Variants in FRK observed in about 807,000 individuals in gnomAD.
FRK encodes tyrosine-protein kinase FRK.
FRK carries 51 observed loss-of-function variants against 56.4 expected under a neutral mutation model. The observed-to-expected ratio is 0.90, with a 90% confidence interval of 0.72 to 1.14. The LOEUF (loss-of-function observed/expected upper bound fraction) is 1.14, where lower values mean the gene tolerates loss of function less well. FRK is among the 50% of genes most tolerant of loss of function. The pLI, the probability that FRK is intolerant of heterozygous loss-of-function variation, is 0.00. For missense variants in FRK, 570 were observed against 601.4 expected, an observed-to-expected ratio of 0.95 and a Z score of 0.55; for synonymous variants, 245 against 217.9, an observed-to-expected ratio of 1.12 and a Z score of -1.10.
intron 2 of FRK, among the ~76,000 whole-genome samples, chr6:115,989,610 A>T (rs1256773551): frequency 6.6e-6 from 1 of 151,958 alleles, no homozygotes; most frequent in Non-Finnish European, 1.5e-5. Context: ...ATGTTGCTGC[A>T]GAGAACATGA....
At chr6:115,945,660 T>C (rs1366870294) in intron 5 of FRK, among the ~76,000 whole-genome samples, 1 of 152,162 alleles carries the variant, frequency 6.6e-6, no homozygotes, top group Non-Finnish European at 1.5e-5. Context: ...ATGTTGTTTT[T>C]AAAAACTAGC....
chr6:116,033,622 A>T, intron 1 of FRK, among the ~76,000 whole-genome samples: 1 of 152,176 alleles, frequency 6.6e-6, no homozygotes, highest in East Asian at 1.9e-4. Flanking sequence ...CCAAGGAAAA[A>T]GAAATGAGGA....
At chr6:116,031,709 A>T (rs1776309275) in intron 1 of FRK, among the ~76,000 whole-genome samples, 1 of 152,128 alleles carries the variant, frequency 6.6e-6, no homozygotes, top group African/African-American at 2.4e-5. Flanking sequence ...TTACATCAAG[A>T]TCAGCTAGAA....
intron 2 of FRK, among the ~76,000 whole-genome samples, chr6:115,973,569 T>TA (rs1562265317): frequency 4.0e-5 from 6 of 151,838 alleles, no homozygotes; most frequent in Non-Finnish European, 7.4e-5. Context: ...TTAAAAATTT[T>TA]TAAAAAAAGC....
At chr6:116,052,928 A>C (rs1777234517) in intron 1 of FRK, among the ~76,000 whole-genome samples, 1 of 152,270 alleles carries the variant, frequency 6.6e-6, no homozygotes, top group African/African-American at 2.4e-5. Context: ...ATTAAACCTT[A>C]CTATGTGTCA....
At chr6:115,996,247 G>A (rs1164470467) in intron 2 of FRK, among the ~76,000 whole-genome samples, 1 of 152,020 alleles carries the variant, frequency 6.6e-6, no homozygotes, top group Non-Finnish European at 1.5e-5. Flanking sequence ...AAACACTAGT[G>A]GCCACAATGT....
chr6:116,063,437 T>C (rs191636377), upstream of FRK, among the ~76,000 whole-genome samples: 48 of 151,898 alleles, frequency 3.2e-4, no homozygotes, highest in Admixed American at 7.9e-4. Context: ...GACTTTATGC[T>C]AATGAAATAA....
At chr6:115,956,194 C>G (rs1017721728) in intron 5 of FRK, among the ~76,000 whole-genome samples, 4 of 152,148 alleles carry the variant, frequency 2.6e-5, no homozygotes, top group African/African-American at 9.7e-5. Context: ...CTTTAATTTC[C>G]CACGTTACAT....
At chr6:115,949,044 C>A (rs1433741734) in intron 5 of FRK, among the ~76,000 whole-genome samples, 1 of 152,136 alleles carries the variant, frequency 6.6e-6, no homozygotes, top group Non-Finnish European at 1.5e-5. Flanking sequence ...CACTTTGTAG[C>A]AACTGCAAAA....
At chr6:116,018,501 T>C (rs1426387173) in intron 1 of FRK, among the ~76,000 whole-genome samples, 2 of 152,194 alleles carry the variant, frequency 1.3e-5, no homozygotes, top group African/African-American at 4.8e-5. Context: ...GTTATATTTG[T>C]GTTTTAAATA....
intron 1 of FRK, among the ~76,000 whole-genome samples, chr6:116,008,561 G>A (rs1775341007): frequency 6.6e-6 from 1 of 152,194 alleles, no homozygotes. Context: ...GGCAAGTGCT[G>A]CTGTGGAGAC....
chr6:116,013,595 C>T (rs1775548032), intron 1 of FRK, among the ~76,000 whole-genome samples: 3 of 152,134 alleles, frequency 2.0e-5, no homozygotes, highest in Non-Finnish European at 1.5e-5. Flanking sequence ...TGCACTTGAT[C>T]TTATGATGCC....
At chr6:115,981,683 G>T (rs7762044) in intron 2 of FRK, among the ~76,000 whole-genome samples, 4 of 151,818 alleles carry the variant, frequency 2.6e-5, no homozygotes, top group Non-Finnish European at 5.9e-5. Context: ...AAACATGAAA[G>T]TCATACAGAA....
intron 1 of FRK, among the ~76,000 whole-genome samples, chr6:116,013,831 A>G (rs2114718675): frequency 6.6e-6 from 1 of 152,302 alleles, no homozygotes; most frequent in Middle Eastern, 3.4e-3. Flanking sequence ...AAACCATTCA[A>G]GAAGGGTCAA....
At chr6:116,042,748 A>G (rs1349574568) in intron 1 of FRK, among the ~76,000 whole-genome samples, 2 of 152,192 alleles carry the variant, frequency 1.3e-5, no homozygotes, top group Non-Finnish European at 2.9e-5. Flanking sequence ...TTAACCTTAA[A>G]TGTAAATGGG....
chr6:116,001,085 A>C (rs931572619), intron 2 of FRK, among the ~76,000 whole-genome samples: 2 of 152,134 alleles, frequency 1.3e-5, no homozygotes, highest in Admixed American at 1.3e-4. Flanking sequence ...TAAAAATACA[A>C]AAATTAGCCA....
chr6:115,958,774 G>GT (rs1375517118), intron 4 of FRK, among the ~76,000 whole-genome samples: 2 of 66,854 alleles, frequency 3.0e-5, no homozygotes, highest in African/African-American at 1.2e-4. Flanking sequence ...AAAGAGGGGG[G>GT]GGAAGGAGAG....
rs572997389 is a variant in FRK, at chr6:116,022,740, A to G, written c.345-18742T>C. ...AAACTAAGAACAGACAAGAGCTACA[A>G]GCAGTTTTATATACACGGATGCAGA... is the stretch of plus-strand genomic sequence containing the variant. On this transcript the variant is annotated intron_variant, in intron 1 of 7. Coordinates refer to ENST00000606080, the MANE Select transcript of FRK (RefSeq NM_002031.3). Among the ~76,000 whole-genome samples, 8 of 152,318 alleles carry G rather than the reference A, an allele frequency of 5.3e-5. No individual in the cohort carries two copies. In the South Asian group the frequency reaches 8.3e-4, roughly 16 times the overall value.
intron 1 of FRK, among the ~76,000 whole-genome samples, chr6:116,046,343 G>A (rs947278426): frequency 4.6e-5 from 7 of 152,214 alleles, no homozygotes; most frequent in African/African-American, 1.7e-4. Flanking sequence ...TATGTTTATT[G>A]CAGCACTGTT....
Sources: gnomAD v4.1 joint callset for allele counts (sites outside exome capture counted in the v4.1 genomes callset) on GRCh38, gnomAD v4.1.1 for gene constraint, MANE v1.5 for transcripts, NCBI Gene and HGNC (gene_info 2026-07-23, HGNC 2026-07-21) for gene names.